The following PLEKHA5 variants were observed in gnomAD, a reference collection of about 807,000 sequenced individuals.
PLEKHA5 encodes pleckstrin homology domain containing A5.
In PLEKHA5, 55 loss-of-function variants were observed where a neutral mutation model predicts 181.9. The observed-to-expected ratio is 0.30, with a 90% CI of 0.24 to 0.38. The LOEUF (loss-of-function observed/expected upper bound fraction) is 0.38. Among genes scored for constraint, PLEKHA5 ranks in the 10% least tolerant of loss-of-function variants. The pLI, the probability that PLEKHA5 is intolerant of heterozygous loss-of-function variation, is 1.00. For synonymous variants in PLEKHA5, 535 were observed against 529.4 expected, an observed-to-expected ratio of 1.01 and a Z score of -0.15; for missense variants, 1,432 against 1,549.5, an observed-to-expected ratio of 0.92 and a Z score of 1.27.
intron 10 of PLEKHA5, among the ~76,000 whole-genome samples, chr12:19,274,032 G>T (rs1305927559): frequency 1.3e-5 from 2 of 152,204 alleles, no homozygotes; most frequent in Admixed American, 6.5e-5. Flanking sequence ...ACAAACAAAA[G>T]GAGTTAATTA....
chr12:19,306,309 T>C (rs1011020929), intron 15 of PLEKHA5: 1 of 379,002 alleles, frequency 2.6e-6, no homozygotes, highest in Non-Finnish European at 5.2e-6. Context: ...ATTATGAAAA[T>C]TGTGGGGTTG....
At position 19,230,248 on chromosome 12, in the gene PLEKHA5, A is replaced by G. The variant is rs1214524874; in HGVS notation, c.228-23692A>G. 2.0e-5 allele frequency among the ~76,000 whole-genome samples: 3 copies of G among 152,340 alleles called. No individual in the cohort carries two copies. The East Asian group carries it at 5.8e-4, about 29-fold the overall frequency. Reference sequence around the variant, plus strand: ...GGTGTATTTACAATCCCTTAGGTAGACATAGAGGTTCTCCAAGTCCCCACT... The same window carrying G: ...GGTGTATTTACAATCCCTTAGGTAGGCATAGAGGTTCTCCAAGTCCCCACT... On this transcript the variant is annotated intron_variant, in intron 3 of 31. Coordinates refer to ENST00000429027, the MANE Select transcript of PLEKHA5 (RefSeq NM_001256470.2).
intron 3 of PLEKHA5, among the ~76,000 whole-genome samples, chr12:19,165,744 G>T (rs969599642): frequency 6.6e-6 from 1 of 152,050 alleles, no homozygotes; most frequent in Admixed American, 6.6e-5. Context: ...TGTCATTTAC[G>T]CTCTAAAACC....
chr12:19,344,368 A>G (rs1470318620), intron 22 of PLEKHA5, among the ~76,000 whole-genome samples: 1 of 152,198 alleles, frequency 6.6e-6, no homozygotes, highest in Admixed American at 6.6e-5. Flanking sequence ...TATCCCCACA[A>G]CAAGAACTGG....
Position 19,281,046 on chromosome 12 carries a change from C to G in PLEKHA5, c.1314-2234C>G, listed in dbSNP as rs140111442. On this transcript the variant is annotated intron_variant, in intron 11 of 31. Transcript: ENST00000429027. ...TTTTCTAATCTAGATGTTTCTTGTT[C>G]TGGTGGTGGTTAAAAAGTTACGTTT... Among the ~76,000 whole-genome samples, 981 of 151,998 alleles carry G rather than the reference C, an allele frequency of 6.5e-3. 11 individuals carry two copies. The highest frequency in any genetic ancestry group is 0.022 in the African/African-American group (932 of 41,460).
chr12:19,181,939 C>T (rs1297595908), intron 3 of PLEKHA5, among the ~76,000 whole-genome samples: 7 of 152,102 alleles, frequency 4.6e-5, no homozygotes, highest in Non-Finnish European at 1.0e-4. Context: ...GATTATGTGT[C>T]TAGATCTGGG....
chr12:19,205,477 C>G (rs2055202125), intron 3 of PLEKHA5: 1 of 580,932 alleles, frequency 1.7e-6, no homozygotes, highest in Non-Finnish European at 2.2e-6. Context: ...CTATTTTGCT[C>G]TAATCGGTCA....
At position 19,303,815 on chromosome 12, in the gene PLEKHA5, C is replaced by CTTTTTTTT. The variant is rs578224551; in HGVS notation, c.2038-10985_2038-10978dup. ...TTTTTTAAGATATCCTTTCTTTGAG[C>CTTTTTTTT]TTTTTTTTTTTTTTTTTTTTTCTTG... is the stretch of plus-strand genomic sequence containing the variant. On this transcript the variant is annotated intron_variant, in intron 15 of 31. Coordinates refer to ENST00000429027, the MANE Select transcript of PLEKHA5 (RefSeq NM_001256470.2). The CTTTTTTTT allele has an allele frequency of 1.7e-4, 18 of 107,540 alleles. 1 individual carries two copies. Among genetic ancestry groups the CTTTTTTTT allele is most frequent in the Non-Finnish European group, 2.1e-4 (12 of 56,148 alleles). The allele number at this position is 107,540 out of a possible 1,614,324, so 6.7% of individuals were successfully genotyped here. A position where few individuals can be genotyped will look rare whatever the true frequency, so the allele number is the denominator to read the frequency against.
At position 19,290,169 on chromosome 12, in the gene PLEKHA5, G is replaced by C. The variant is rs146434631; in HGVS notation, c.1864-508G>C. On this transcript the variant is annotated intron_variant, in intron 13 of 31. Coordinates refer to ENST00000429027, the MANE Select transcript of PLEKHA5 (RefSeq NM_001256470.2). ...GCTGGTCTCGAACTTCTGACCTTGT[G>C]ATCCGCCTCCCTCAGCCTCCCAAAG... Among the ~76,000 whole-genome samples the C allele has an allele frequency of 3.2e-3, 494 of 152,086 alleles. 3 individuals carry two copies. The highest frequency in any genetic ancestry group is 0.012 in the African/African-American group (478 of 41,500).
At chr12:19,239,677 A>T (rs1406119073) in intron 3 of PLEKHA5, among the ~76,000 whole-genome samples, 1 of 152,204 alleles carries the variant, frequency 6.6e-6, no homozygotes. Context: ...ACATAAACAT[A>T]TTGTTAGTCA....
At chr12:19,135,391 A>G (rs1455117477) in intron 3 of PLEKHA5, among the ~76,000 whole-genome samples, 1 of 152,254 alleles carries the variant, frequency 6.6e-6, no homozygotes, top group Non-Finnish European at 1.5e-5. Flanking sequence ...TGGAAAAGGC[A>G]ACCTCTAAAT....
At chr12:19,271,342 CA>C (rs915362526) in intron 10 of PLEKHA5, among the ~76,000 whole-genome samples, 1 of 151,722 alleles carries the variant, frequency 6.6e-6, no homozygotes, top group Non-Finnish European at 1.5e-5. Flanking sequence ...CCATCTGTAC[CA>C]AAAATACAAA....
chr12:19,291,583 C>G, intron 14 of PLEKHA5, 61 bp from the exon 15 acceptor site: 1 of 975,138 alleles, frequency 1.0e-6, no homozygotes, highest in Non-Finnish European at 1.5e-6. Flanking sequence ...CCAAAATTGA[C>G]CTTTTCTTGA....
intron 3 of PLEKHA5, among the ~76,000 whole-genome samples, chr12:19,172,211 A>G (rs2046065423): frequency 6.6e-6 from 1 of 152,260 alleles, no homozygotes; most frequent in Admixed American, 6.5e-5. Flanking sequence ...TTACATCAGC[A>G]TCACTACAAA....
At chr12:19,232,436 A>C (rs1215574965) in intron 3 of PLEKHA5, among the ~76,000 whole-genome samples, 1 of 152,166 alleles carries the variant, frequency 6.6e-6, no homozygotes, top group African/African-American at 2.4e-5. Context: ...GAAAGAATTT[A>C]GAAAGGATTT....
chr12:19,280,282 C>T (rs1458516764), intron 11 of PLEKHA5, among the ~76,000 whole-genome samples: 2 of 151,942 alleles, frequency 1.3e-5, no homozygotes, highest in African/African-American at 4.8e-5. Context: ...GTGATCCACC[C>T]GCCTTGGCCT....
intron 3 of PLEKHA5, among the ~76,000 whole-genome samples, chr12:19,162,935 C>CT (rs1438752316): frequency 5.3e-5 from 8 of 151,924 alleles, no homozygotes; most frequent in Admixed American, 6.5e-5. Flanking sequence ...GGACTCTAGA[C>CT]TAGTCTAGTG....
chr12:19,145,550 T>A (rs369039317), intron 3 of PLEKHA5, among the ~76,000 whole-genome samples: 2 of 152,196 alleles, frequency 1.3e-5, no homozygotes, highest in African/African-American at 2.4e-5. Flanking sequence ...TAACTTTTTA[T>A]TTAATAAATA....
At chr12:19,301,526 T>C (rs769510584) in intron 15 of PLEKHA5, among the ~76,000 whole-genome samples, 1 of 152,140 alleles carries the variant, frequency 6.6e-6, no homozygotes, top group Non-Finnish European at 1.5e-5. Flanking sequence ...GTAAAACTTA[T>C]CCCTAGCCAA....
Sources: allele counts gnomAD v4.1 joint callset (sites outside exome capture counted in the v4.1 genomes callset), GRCh38; gene constraint gnomAD v4.1.1; transcripts MANE v1.5; gene names NCBI Gene and HGNC (gene_info 2026-07-23, HGNC 2026-07-21).